The following GIN1 variants were observed in gnomAD, a reference collection of about 807,000 sequenced individuals.
The protein encoded by GIN1 is gypsy retrotransposon integrase 1.
Under a neutral mutation model 51.4 loss-of-function variants are expected in GIN1, and 41 were observed. The ratio of observed to expected loss-of-function variants is 0.80; its 90% CI spans 0.62 to 1.04. The LOEUF (loss-of-function observed/expected upper bound fraction) is 1.04. Among genes scored for constraint, GIN1 ranks in the 50% least tolerant of loss-of-function variants. GIN1 has a pLI of 0.00. For missense variants in GIN1, 610 were observed against 612.4 expected (o/e 1.00, Z 0.04); for synonymous variants, 222 against 206.5 (o/e 1.07, Z -0.64).
At chr5:103,089,340 A>G (rs1369972553) in intron 7 of GIN1, among the ~76,000 whole-genome samples, 1 of 152,240 alleles carries the variant, frequency 6.6e-6, no homozygotes, top group Middle Eastern at 3.2e-3. Flanking sequence ...ACCAAAGCTG[A>G]TTAACTTCCT....
In GIN1 at chr5:103,118,705, C is replaced by T. The variant is rs3756581; in HGVS notation, c.-8+1359G>A. ...TTTGAAGTAGTTAAAAGTTTTACTG[C>T]TAATAATTGGTATTCATATACAAAA... On this transcript the variant is annotated intron_variant, in intron 1 of 7. Transcript: ENST00000399004. 2.1e-4 allele frequency among the ~76,000 whole-genome samples: 19 copies of T among 92,544 alleles called. No homozygotes were observed. In the East Asian group the frequency reaches 9.4e-3, roughly 46 times the overall value. 60.7% of individuals were successfully genotyped at this position (92,544 alleles called of 152,430 possible).
intron 4 of GIN1, among the ~76,000 whole-genome samples, chr5:103,100,794 A>G (rs1315823555): frequency 6.6e-6 from 1 of 152,176 alleles, no homozygotes; most frequent in African/African-American, 2.4e-5. Context: ...GCTTCATATT[A>G]TCATTAGCAA....
chr5:103,096,879 G>A, intron 6 of GIN1, 53 bp from the exon 7 acceptor site: 1 of 1,106,536 alleles, frequency 9.0e-7, no homozygotes, highest in African/African-American at 1.6e-5. Context: ...ATAATATCTT[G>A]AAGGTAAATG....
intron 7 of GIN1, among the ~76,000 whole-genome samples, chr5:103,094,912 A>G (rs1004840181): frequency 2.0e-5 from 3 of 152,208 alleles, no homozygotes; most frequent in Non-Finnish European, 4.4e-5. Context: ...GTAGTTCAAG[A>G]TAAGTTTACT....
At chr5:103,115,069 A>G (rs560196713) in intron 1 of GIN1, among the ~76,000 whole-genome samples, 41 of 152,336 alleles carry the variant, frequency 2.7e-4, no homozygotes, top group South Asian at 8.3e-4. Flanking sequence ...GCTACAAGAT[A>G]GTTGCTAGAG....
chr5:103,098,562 G>T (rs782115067), intron 4 of GIN1, among the ~76,000 whole-genome samples: 1 of 152,034 alleles, frequency 6.6e-6, no homozygotes, highest in Non-Finnish European at 1.5e-5. Flanking sequence ...GGGTTCAAGC[G>T]ATCCTCTCAC....
chr5:103,098,297 C>T (rs1378570606), intron 4 of GIN1, among the ~76,000 whole-genome samples: 2 of 151,958 alleles, frequency 1.3e-5, no homozygotes, highest in African/African-American at 4.8e-5. Flanking sequence ...ACACTGGTCC[C>T]ATCACACTAG....
At chr5:103,102,553 G>A (rs1787603630) in intron 4 of GIN1, 1 of 152,138 alleles carries the variant, frequency 6.6e-6, no homozygotes, top group African/African-American at 2.4e-5. Flanking sequence ...TGATCCCAAG[G>A]TCTGAGAAGT....
intron 7 of GIN1, among the ~76,000 whole-genome samples, chr5:103,094,718 G>C (rs1787344097): frequency 6.6e-6 from 1 of 152,136 alleles, no homozygotes; most frequent in South Asian, 2.1e-4. Flanking sequence ...CAAAGATTAA[G>C]GGGAAAATCA....
rs1490594066 is a variant in GIN1 at position 103,104,734 on chromosome 5, C to A, written c.446G>T (p.Gly149Val). The change falls in exon 4 of 8, where the codon GGG (glycine) becomes GTG (valine). Residue 149 changes from glycine (G) to valine (V), a missense_variant. Gly to Val is a moderately radical substitution (Grantham distance 109). Coordinates refer to ENST00000399004, the MANE Select transcript of GIN1 (RefSeq NM_017676.2). ...PWSLVTVDLM[G>V]PFHTSNRSHV... ...ACTTCTGTTGCTTGTATGAAAAGGC[C>A]CCATCAGATCAACAGTAACTAAACT... is the stretch of plus-strand genomic sequence containing the variant. 1.9e-6 allele frequency: 3 copies of A among 1,610,566 alleles called. No individual in the cohort carries two copies. Among genetic ancestry groups the A allele is most frequent in the Non-Finnish European group, 2.5e-6 (3 of 1,177,068 alleles).
At chr5:103,112,183 G>A (rs1787907094) in intron 1 of GIN1, among the ~76,000 whole-genome samples, 1 of 152,052 alleles carries the variant, frequency 6.6e-6, no homozygotes, top group South Asian at 2.1e-4. Flanking sequence ...ATATATCTAT[G>A]TTAGGGAGAG....
rs782640571 is a variant in GIN1 at position 103,096,815 on chromosome 5, G to A, written c.1020C>T (p.Asn340=). Residue 340 remains asparagine, a synonymous_variant, in exon 7 of 8, where the codon AAC becomes AAT. Transcript: ENST00000399004. Reference sequence around the variant, plus strand: ...TGCTTTTATTTAGTTCATCCAAATTGTTGTTCTCCATCTACAAGTGTAAAA... The same window carrying A: ...TGCTTTTATTTAGTTCATCCAAATTATTGTTCTCCATCTACAAGTGTAAAA... ...KTTSLGQMEN[N]NLDELNKSKI... 8.2e-6 allele frequency: 13 copies of A among 1,587,424 alleles called. No individual in the cohort carries two copies. The South Asian group carries it at 1.3e-4, about 16-fold the overall frequency.
chr5:103,104,560 C>T lies in GIN1; in HGVS notation c.620G>A (p.Arg207Lys), dbSNP rs782791627. 5 of 1,523,806 alleles carry T rather than the reference C, an allele frequency of 3.3e-6. No homozygotes were observed. Among genetic ancestry groups the T allele is most frequent in the Non-Finnish European group, 4.5e-6 (5 of 1,101,804 alleles). 94.4% of individuals were successfully genotyped at this position (1,523,806 alleles called of 1,614,324 possible). A position where few individuals can be genotyped will look rare whatever the true frequency, so the allele number is the denominator to read the frequency against. Residue 207 changes from arginine to lysine, a missense_variant, in exon 4 of 8, where the codon AGA (arginine) becomes AAA (lysine). By Grantham distance (26) the Arg-to-Lys change is conservative. Coordinates refer to ENST00000399004, the MANE Select transcript of GIN1 (RefSeq NM_017676.2). ...TCTTACCTGTTGAATGAATTCATCT[C>T]TTTGGTCCATTATTATTTTCTGAGG... ...GPPQKIIMDQRDEFIQQINIE... is the reference protein window; with the variant it reads ...GPPQKIIMDQKDEFIQQINIE...
chr5:103,116,489 G>C (rs1788032601), intron 1 of GIN1, among the ~76,000 whole-genome samples: 1 of 152,038 alleles, frequency 6.6e-6, no homozygotes, highest in Non-Finnish European at 1.5e-5. Flanking sequence ...ATGGCTCACA[G>C]ATCTAAATGT....
chr5:103,088,759 AC>A (rs1164909191), intron 7 of GIN1, among the ~76,000 whole-genome samples: 1 of 152,116 alleles, frequency 6.6e-6, no homozygotes, highest in Non-Finnish European at 1.5e-5. Context: ...GCACCACTGC[AC>A]TCCAGCATGG....
At chr5:103,117,116 T>G (rs1554197453) in intron 1 of GIN1, among the ~76,000 whole-genome samples, 1 of 152,068 alleles carries the variant, frequency 6.6e-6, no homozygotes, top group Admixed American at 6.5e-5. Context: ...TTTATTCATA[T>G]CAGCCAAAAC....
At position 103,100,023 on chromosome 5, in the gene GIN1, T is replaced by G. The variant is rs139609643; in HGVS notation, c.640-2242A>C. Among the ~76,000 whole-genome samples, 462 of 152,352 alleles carry G rather than the reference T, an allele frequency of 3.0e-3. 2 individuals are homozygous for G. Among genetic ancestry groups the G allele is most frequent in the Non-Finnish European group, 5.1e-3 (344 of 68,030 alleles). ...TTAATCACAGCAAAAAGAACAAGTT[T>G]TCCCAATCATATGTCGCTTTTTTGG... On this transcript the variant is annotated intron_variant, in intron 4 of 7. Coordinates refer to ENST00000399004, the MANE Select transcript of GIN1 (RefSeq NM_017676.2).
intron 1 of GIN1, among the ~76,000 whole-genome samples, chr5:103,118,747 TTG>T (rs1554197790): frequency 2.4e-5 from 2 of 83,034 alleles, no homozygotes; most frequent in African/African-American, 7.3e-5. Context: ...TAAATGAAAG[TTG>T]TTTTTTTTTT....
At chr5:103,098,235 T>C (rs1787464582) in intron 4 of GIN1, among the ~76,000 whole-genome samples, 1 of 152,196 alleles carries the variant, frequency 6.6e-6, no homozygotes, top group African/African-American at 2.4e-5. Flanking sequence ...ACATAAAATA[T>C]GTAAAATTTT....
Sources: allele counts gnomAD v4.1 joint callset (sites outside exome capture counted in the v4.1 genomes callset), GRCh38; gene constraint gnomAD v4.1.1; transcripts MANE v1.5; gene names NCBI Gene and HGNC (gene_info 2026-07-23, HGNC 2026-07-21).